The following TVP23A variants were observed in gnomAD, a reference collection of about 807,000 sequenced individuals.
The protein encoded by TVP23A is Golgi apparatus membrane protein TVP23 homolog A.
A neutral mutation model predicts 31.7 loss-of-function variants in TVP23A; 21 were observed. The observed-to-expected ratio is 0.66, with a 90% CI of 0.47 to 0.95. TVP23A has a LOEUF of 0.95. Among genes scored for constraint, TVP23A ranks in the 40% least tolerant of loss-of-function variants. The pLI, the probability that TVP23A is intolerant of heterozygous loss-of-function variation, is 0.00. For missense variants in TVP23A, 279 were observed against 255.6 expected (o/e 1.09, Z -0.62); for synonymous variants, 104 against 96.0 (o/e 1.08, Z -0.49).
intron 2 of TVP23A, 129 bp from the exon 3 acceptor site, chr16:10,775,225 G>A: frequency 6.8e-7 from 1 of 1,463,426 alleles, no homozygotes; most frequent in African/African-American, 1.4e-5. Context: ...CGGTGCATAT[G>A]ACGCAGAAAC....
chr16:10,778,168 T>C (rs189203350), intron 2 of TVP23A, among the ~76,000 whole-genome samples: 2 of 152,062 alleles, frequency 1.3e-5, no homozygotes, highest in East Asian at 3.9e-4. Flanking sequence ...ACTCCGTCTC[T>C]ACTAAAAATA....
chr16:10,806,068 G>A (rs974750721), intron 2 of TVP23A, among the ~76,000 whole-genome samples: 1 of 152,202 alleles, frequency 6.6e-6, no homozygotes, highest in African/African-American at 2.4e-5. Context: ...TCGGCCGGAT[G>A]CGGTGGCTCA....
downstream of TVP23A, among the ~76,000 whole-genome samples, chr16:10,762,910 G>A (rs773415020): frequency 1.2e-3 from 178 of 152,258 alleles, 4 homozygotes; most frequent in Middle Eastern, 3.4e-3. Flanking sequence ...GAGAATGGGA[G>A]CCTGTGGGAA....
chr16:10,809,138 C>T (rs558122024), intron 2 of TVP23A, among the ~76,000 whole-genome samples: 8 of 152,348 alleles, frequency 5.3e-5, no homozygotes, highest in African/African-American at 1.9e-4. Context: ...GGAGCCCTGC[C>T]AGGTCCCCTA....
At chr16:10,798,672 T>C (rs558420190) in intron 2 of TVP23A, among the ~76,000 whole-genome samples, 2 of 152,222 alleles carry the variant, frequency 1.3e-5, no homozygotes, top group African/African-American at 4.8e-5. Flanking sequence ...TTTGTTTTTG[T>C]TTTTGTTTTT....
At chr16:10,761,030 T>G (rs1596463313), downstream of TVP23A, 1 of 220,772 alleles carries the variant, frequency 4.5e-6, no homozygotes, top group Non-Finnish European at 9.2e-6. Flanking sequence ...GTGGCAGCAG[T>G]GAGAGAGAGA....
chr16:10,806,890 G>GT, intron 2 of TVP23A, among the ~76,000 whole-genome samples: 1 of 152,318 alleles, frequency 6.6e-6, no homozygotes, highest in African/African-American at 2.4e-5. Flanking sequence ...TGCCTTAGAT[G>GT]TAAGGAGTTA....
rs139353056 is a variant in TVP23A, at chr16:10,794,109, C to G, written c.90-19013G>C. On this transcript the variant is annotated intron_variant, in intron 2 of 7. Transcript: ENST00000299866. ...GGCAGAAGAGCCCTGAGACAGGACTCACTCCCACCAGCCCCTTTATAAAGG... is the reference window on the plus strand; with the variant it reads ...GGCAGAAGAGCCCTGAGACAGGACTGACTCCCACCAGCCCCTTTATAAAGG... 2.6e-3 allele frequency among the ~76,000 whole-genome samples: 390 copies of G among 152,074 alleles called. 3 individuals are homozygous for G. Among genetic ancestry groups the G allele is most frequent in the African/African-American group, 8.9e-3 (369 of 41,452 alleles).
At position 10,818,645 on chromosome 16, in the gene TVP23A, A is replaced by T; in HGVS notation, c.-152T>A. The T allele has an allele frequency of 1.0e-6, 1 of 985,338 alleles. No individual in the cohort carries two copies. Among genetic ancestry groups the T allele is most frequent in the East Asian group, 3.2e-5 (1 of 31,670 alleles). 61.0% of individuals were successfully genotyped at this position (985,338 alleles called of 1,614,324 possible). A position where few individuals can be genotyped will look rare whatever the true frequency, so the allele number is the denominator to read the frequency against. On this transcript the variant is annotated 5_prime_UTR_variant, in exon 1 of 8. Transcript: ENST00000299866. This position sits in a 1 kb window ranked among gnomAD's most constrained non-coding sequence, Gnocchi z 4.7. ...GCGCCCTGTGGGGCAGCCTCAGCGCAGCTTCTCGGGTGGGGCGGGGCGCTC... is the reference window on the plus strand; with the variant it reads ...GCGCCCTGTGGGGCAGCCTCAGCGCTGCTTCTCGGGTGGGGCGGGGCGCTC...
chr16:10,761,885 A>G, downstream of TVP23A: 1 of 1,560,184 alleles, frequency 6.4e-7, no homozygotes, highest in Non-Finnish European at 8.8e-7. Context: ...GTGGGGCGGC[A>G]CCTCACTCCT....
intron 2 of TVP23A, among the ~76,000 whole-genome samples, chr16:10,775,894 G>A (rs928698377): frequency 2.7e-5 from 4 of 150,704 alleles, no homozygotes; most frequent in Non-Finnish European, 3.0e-5. Flanking sequence ...GATTATAGGC[G>A]CCTGCCACCA....
At chr16:10,758,754 C>G (rs1238499004), downstream of TVP23A, among the ~76,000 whole-genome samples, 6 of 152,188 alleles carry the variant, frequency 3.9e-5, no homozygotes, top group African/African-American at 1.4e-4. Context: ...CTCCAGTTTT[C>G]AACAGAACCA....
At chr16:10,786,539 T>C (rs557081028) in intron 2 of TVP23A, among the ~76,000 whole-genome samples, 9 of 152,334 alleles carry the variant, frequency 5.9e-5, no homozygotes, top group South Asian at 4.1e-4. Flanking sequence ...CTGTGTCCTC[T>C]TTCAGACACT....
At chr16:10,758,061 CTG>C (rs774540180), downstream of TVP23A, 6 of 1,604,130 alleles carry the variant, frequency 3.7e-6, no homozygotes, top group South Asian at 5.5e-5. Context: ...TGGGTCCAAA[CTG>C]TGCTCCACAC....
downstream of TVP23A, among the ~76,000 whole-genome samples, chr16:10,759,192 C>T (rs1055174037): frequency 2.6e-5 from 4 of 152,238 alleles, no homozygotes; most frequent in Non-Finnish European, 4.4e-5. The surrounding 1 kb of genome is among the most constrained non-coding windows in gnomAD (Gnocchi z 4.7). Context: ...AGGCCTGGCT[C>T]TCCCTGGTGG....
intron 2 of TVP23A, among the ~76,000 whole-genome samples, chr16:10,806,080 G>T (rs1234847224): frequency 6.6e-6 from 1 of 152,158 alleles, no homozygotes; most frequent in Admixed American, 6.5e-5. Context: ...GGTGGCTCAC[G>T]CCCTTAATCC....
At chr16:10,775,438 G>A in intron 2 of TVP23A, 1 of 1,086,204 alleles carries the variant, frequency 9.2e-7, no homozygotes, top group East Asian at 6.8e-5. Flanking sequence ...AGAGATGACG[G>A]CCAGTTCCCT....
At chr16:10,802,334 C>A (rs1192565949) in intron 2 of TVP23A, among the ~76,000 whole-genome samples, 1 of 150,890 alleles carries the variant, frequency 6.6e-6, no homozygotes, top group East Asian at 2.0e-4. Context: ...GGCTGGAATG[C>A]AGTGGTGTGA....
In TVP23A at chr16:10,777,845, T is replaced by C. The variant is rs2032152082; in HGVS notation, c.90-2749A>G. Among the ~76,000 whole-genome samples the C allele has an allele frequency of 6.6e-6, 1 of 151,974 alleles. No homozygotes were observed. On this transcript the variant is annotated intron_variant, in intron 2 of 7. Transcript: ENST00000299866. The surrounding 1 kb of genome is among the most constrained non-coding windows in gnomAD (Gnocchi z 4.5). Reference sequence around the variant, plus strand: ...GGCCAACATGGTGAAACCCCGTCTCTACTAAAAATACAAAAATTAGCTGAG... The same window carrying C: ...GGCCAACATGGTGAAACCCCGTCTCCACTAAAAATACAAAAATTAGCTGAG...
Sources: gnomAD v4.1 joint callset for allele counts (sites outside exome capture counted in the v4.1 genomes callset) on GRCh38, gnomAD v4.1.1 for gene constraint, Gnocchi (gnomAD v3.1) non-coding constraint, MANE v1.5 for transcripts, NCBI Gene and HGNC (gene_info 2026-07-23, HGNC 2026-07-21) for gene names.